The following LHPP variants were observed in gnomAD, a reference collection of about 807,000 sequenced individuals.
The protein encoded by LHPP is phospholysine phosphohistidine inorganic pyrophosphate phosphatase.
LHPP carries 24 observed loss-of-function variants against 30.3 expected under a neutral mutation model. The observed-to-expected ratio is 0.79, with a 90% CI of 0.57 to 1.11. The LOEUF is 1.11. Ranked by LOEUF, LHPP falls within the 50% of genes most tolerant of loss-of-function variation. LHPP has a pLI of 0.00. For synonymous variants in LHPP, 150 were observed against 157.1 expected (o/e 0.95, Z 0.34); for missense variants, 356 against 367.2 (o/e 0.97, Z 0.25).
rs899597192 is a variant in LHPP, at chr10:124,484,252, T to C, written c.239T>C (p.Val80Ala). 3.7e-6 allele frequency: 6 copies of C among 1,613,548 alleles called. No homozygotes were observed. Among genetic ancestry groups the C allele is most frequent in the Middle Eastern group, 1.6e-4 (1 of 6,080 alleles). ...RLGFDISEQE[V>A]TAPAPAACQI... Reference sequence around the variant, plus strand: ...GGATTTGACATCTCTGAGCAGGAGGTGACCGCCCCGGCACCAGCTGCCTGC... The same window carrying C: ...GGATTTGACATCTCTGAGCAGGAGGCGACCGCCCCGGCACCAGCTGCCTGC... Residue 80 changes from valine (V) to alanine (A), a missense_variant, in exon 2 of 7, where the codon GTG becomes GCG. Coordinates refer to ENST00000368842, the MANE Select transcript of LHPP (RefSeq NM_022126.4).
At chr10:124,580,784 T>A (rs1193375990) in intron 6 of LHPP, among the ~76,000 whole-genome samples, 1 of 149,366 alleles carries the variant, frequency 6.7e-6, no homozygotes, top group East Asian at 2.0e-4. Flanking sequence ...AATGGCACAA[T>A]CTTGGCTCAC....
chr10:124,476,883 G>A (rs1952965287), intron 1 of LHPP, among the ~76,000 whole-genome samples: 1 of 152,144 alleles, frequency 6.6e-6, no homozygotes. Flanking sequence ...ATTAGACAGT[G>A]GCTAGCACTG....
intron 2 of LHPP, among the ~76,000 whole-genome samples, chr10:124,487,760 T>G (rs1394485168): frequency 6.6e-6 from 1 of 152,096 alleles, no homozygotes; most frequent in Non-Finnish European, 1.5e-5. Context: ...TCTTTTCAAT[T>G]TAGAAAGGTC....
Position 124,592,491 on chromosome 10 carries a change from C to G in LHPP, c.717-20773C>G, listed in dbSNP as rs1263758471. On this transcript the variant is annotated intron_variant, in intron 6 of 6. Transcript: ENST00000368842. This position sits in a 1 kb window ranked among gnomAD's most constrained non-coding sequence, Gnocchi z 6.2. ...GGGCATTCCCCGAACTTGGGAAAAG[C>G]CCTGACCCCAGAATCCTGAGCCTAA... Among the ~76,000 whole-genome samples the G allele has an allele frequency of 6.6e-6, 1 of 152,218 alleles. No homozygotes were observed. Among genetic ancestry groups the G allele is most frequent in the Admixed American group, 6.5e-5 (1 of 15,280 alleles).
intron 6 of LHPP, among the ~76,000 whole-genome samples, chr10:124,574,208 A>T (rs528223610): frequency 6.6e-6 from 1 of 152,358 alleles, no homozygotes; most frequent in South Asian, 2.1e-4. Context: ...CAGAACAGTA[A>T]GTCGTTTTTG....
At chr10:124,524,919 T>A (rs1346522527) in intron 6 of LHPP, among the ~76,000 whole-genome samples, 2 of 152,218 alleles carry the variant, frequency 1.3e-5, no homozygotes, top group Non-Finnish European at 2.9e-5. Context: ...TGAATAAAAT[T>A]TGAATACACA....
chr10:124,486,595 C>G (rs2361625), intron 2 of LHPP, among the ~76,000 whole-genome samples: 57,580 of 152,230 alleles, frequency 0.38, 11,815 homozygotes, highest in East Asian at 0.61. Context: ...CTTGATTCTC[C>G]CAGCGATGAT....
intron 1 of LHPP, among the ~76,000 whole-genome samples, chr10:124,468,449 C>A (rs905978897): frequency 6.6e-6 from 1 of 152,196 alleles, no homozygotes; most frequent in Non-Finnish European, 1.5e-5. Context: ...ACATCACACC[C>A]GTGATATGGG....
chr10:124,520,492 A>G (rs543024205), intron 6 of LHPP, among the ~76,000 whole-genome samples: 10 of 152,228 alleles, frequency 6.6e-5, no homozygotes, highest in Non-Finnish European at 1.2e-4. Context: ...AGCTCCAGAC[A>G]TGGAGTCACC....
chr10:124,486,246 C>G lies in LHPP; in HGVS notation c.313+1920C>G, dbSNP rs189587864. 4.2e-3 allele frequency among the ~76,000 whole-genome samples: 635 copies of G among 152,326 alleles called. 5 individuals carry two copies. The highest frequency in any genetic ancestry group is 0.015 in the African/African-American group (614 of 41,568). ...TCACTGACAGCTCTGACAGCTACCTCGCACCTTGCCCAGGTGGTCTTCACC... is the reference window on the plus strand; with the variant it reads ...TCACTGACAGCTCTGACAGCTACCTGGCACCTTGCCCAGGTGGTCTTCACC... On this transcript the variant is annotated intron_variant, in intron 2 of 6. Transcript: ENST00000368842.
At chr10:124,580,502 C>T (rs74160942) in intron 6 of LHPP, among the ~76,000 whole-genome samples, 27,091 of 152,066 alleles carry the variant, frequency 0.18, 2,615 homozygotes, top group African/African-American at 0.25. Context: ...TCCATTATCA[C>T]TTTTGAGTAG....
chr10:124,461,942 C>T lies in LHPP; in HGVS notation c.80C>T (p.Ala27Val). 8.1e-7 allele frequency: 1 copy of T among 1,238,332 alleles called. No homozygotes were observed. The highest frequency in any genetic ancestry group is 1.0e-6 in the Non-Finnish European group (1 of 986,922). 76.7% of individuals were successfully genotyped at this position (1,238,332 alleles called of 1,614,324 possible). A position where few individuals can be genotyped will look rare whatever the true frequency, so the allele number is the denominator to read the frequency against. The change falls in exon 1 of 7, where the codon GCG becomes GTG. Residue 27 changes from alanine to valine, a missense_variant. By Grantham distance (64) the Ala-to-Val change is moderately conservative (BLOSUM62 0). Coordinates refer to ENST00000368842, the MANE Select transcript of LHPP (RefSeq NM_022126.4). The part of the protein sequence containing the change: ...DISGVLYDSG[A>V]GGGTAIAGSV... Reference sequence around the variant, plus strand: ...TCGGGCGTGCTGTACGACAGCGGCGCGGGCGGCGGCACGGCCATCGCCGGC... The same window carrying T: ...TCGGGCGTGCTGTACGACAGCGGCGTGGGCGGCGGCACGGCCATCGCCGGC...
chr10:124,521,970 A>C (rs969729003), intron 6 of LHPP, among the ~76,000 whole-genome samples: 16 of 150,436 alleles, frequency 1.1e-4, no homozygotes, highest in African/African-American at 3.6e-4. Context: ...TGGCAGTGAG[A>C]TCTCCTTGTC....
intron 6 of LHPP, among the ~76,000 whole-genome samples, chr10:124,612,620 G>A (rs918635040): frequency 1.3e-5 from 2 of 152,204 alleles, no homozygotes; most frequent in Non-Finnish European, 2.9e-5. Flanking sequence ...AGCATCCAGT[G>A]AGACCTCAGG....
intron 6 of LHPP, among the ~76,000 whole-genome samples, chr10:124,522,600 A>G (rs1954635971): frequency 6.6e-6 from 1 of 152,046 alleles, no homozygotes; most frequent in Non-Finnish European, 1.5e-5. Flanking sequence ...CTTTTCCTGC[A>G]CTTTTCCCTG....
At position 124,517,219 on chromosome 10, in the gene LHPP, G is replaced by T. The variant is rs372122309; in HGVS notation, c.664G>T (p.Gly222Cys). 1 of 1,606,066 alleles carries T rather than the reference G, an allele frequency of 6.2e-7. No homozygotes were observed. Among genetic ancestry groups the T allele is most frequent in the Non-Finnish European group, 8.5e-7 (1 of 1,176,716 alleles). The change falls in exon 6 of 7, where the codon GGT (glycine) becomes TGT (cysteine). Residue 222 changes from glycine (G) to cysteine (C), a missense_variant. Transcript: ENST00000368842. The surrounding 1 kb of genome is among the most constrained non-coding windows in gnomAD (Gnocchi z 4.1). Reference sequence around the variant, plus strand: ...GGACGATATCGTGGGCGACGTCGGCGGTGCCCAGCGGTGTGGAATGAGAGC... The same window carrying T: ...GGACGATATCGTGGGCGACGTCGGCTGTGCCCAGCGGTGTGGAATGAGAGC... The part of the protein sequence containing the change: ...IGDDIVGDVG[G>C]AQRCGMRALQ...
rs199524033 is a variant in LHPP at position 124,502,371 on chromosome 10, C to CT, written c.624+4254dup. ...GCTATTTGTCCCTTTCAGTAATTAT[C>CT]TTTTTTTTTTTGAGACGGAGTCTCG... is the stretch of plus-strand genomic sequence containing the variant. On this transcript the variant is annotated intron_variant, in intron 5 of 6. Coordinates refer to ENST00000368842, the MANE Select transcript of LHPP (RefSeq NM_022126.4). 6.3e-4 allele frequency among the ~76,000 whole-genome samples: 93 copies of CT among 147,274 alleles called. 1 individual carries two copies. The highest frequency in any genetic ancestry group is 1.3e-3 in the African/African-American group (53 of 39,700).
At chr10:124,557,219 G>C (rs1161283355) in intron 6 of LHPP, among the ~76,000 whole-genome samples, 1 of 152,226 alleles carries the variant, frequency 6.6e-6, no homozygotes, top group African/African-American at 2.4e-5. Context: ...AGGTGTTGGT[G>C]TGCAGTTTAA....
chr10:124,585,224 C>A (rs1948788686), intron 6 of LHPP, among the ~76,000 whole-genome samples: 1 of 152,166 alleles, frequency 6.6e-6, no homozygotes, highest in Non-Finnish European at 1.5e-5. Context: ...ATTTGCACTT[C>A]CGTTGTCAAA....
Sources: allele counts gnomAD v4.1 joint callset (sites outside exome capture counted in the v4.1 genomes callset), GRCh38; gene constraint gnomAD v4.1.1; non-coding constraint Gnocchi (gnomAD v3.1); transcripts MANE v1.5; gene names NCBI Gene and HGNC (gene_info 2026-07-23, HGNC 2026-07-21).